The following CNTN4 variants were observed in gnomAD, a reference collection of about 807,000 sequenced individuals.
CNTN4 encodes the protein contactin 4.
Under a neutral mutation model 122.5 loss-of-function variants are expected in CNTN4, and 77 were observed. The ratio of observed to expected loss-of-function variants is 0.63; its 90% CI spans 0.52 to 0.76. CNTN4 has a LOEUF of 0.76. CNTN4 is among the 30% of genes least tolerant of loss of function. The pLI is 0.00. For synonymous variants in CNTN4, 512 were observed against 447.0 expected, an observed-to-expected ratio of 1.15 and a Z score of -1.83; for missense variants, 1,256 against 1,259.1, an observed-to-expected ratio of 1.00 and a Z score of 0.04.
At chr3:2,621,563 G>A (rs2081991236) in intron 4 of CNTN4, among the ~76,000 whole-genome samples, 1 of 151,954 alleles carries the variant, frequency 6.6e-6, no homozygotes, top group African/African-American at 2.4e-5. Flanking sequence ...CGGTTGATGG[G>A]TGCAGCAAAC....
chr3:2,171,915 A>G (rs1002424767), intron 2 of CNTN4, among the ~76,000 whole-genome samples: 1 of 152,298 alleles, frequency 6.6e-6, no homozygotes, highest in South Asian at 2.1e-4. Flanking sequence ...TTGGAACAGG[A>G]GCACCTAGGA....
chr3:2,455,085 C>A (rs1214216486), intron 3 of CNTN4, among the ~76,000 whole-genome samples: 2 of 152,128 alleles, frequency 1.3e-5, no homozygotes, highest in Non-Finnish European at 2.9e-5. Flanking sequence ...AGCAACTAAT[C>A]ATCGCTGGAT....
intron 6 of CNTN4, among the ~76,000 whole-genome samples, chr3:2,815,639 T>G (rs758676533): frequency 5.9e-5 from 9 of 152,126 alleles, no homozygotes; most frequent in Non-Finnish European, 1.3e-4. Context: ...CTGGTGGGAA[T>G]GCAAACTAGT....
At chr3:2,962,341 G>C (rs562081818) in intron 13 of CNTN4, among the ~76,000 whole-genome samples, 1 of 152,196 alleles carries the variant, frequency 6.6e-6, no homozygotes, top group African/African-American at 2.4e-5. Flanking sequence ...AATATTCAAA[G>C]ACAGCAGCTC....
At chr3:2,122,326 G>C (rs186557516) in intron 2 of CNTN4, among the ~76,000 whole-genome samples, 1 of 151,768 alleles carries the variant, frequency 6.6e-6, no homozygotes, top group Admixed American at 6.6e-5. Flanking sequence ...GATCTTTATT[G>C]TTATATGGGC....
intron 4 of CNTN4, among the ~76,000 whole-genome samples, chr3:2,596,971 A>C (rs1281437275): frequency 6.6e-6 from 1 of 151,920 alleles, no homozygotes; most frequent in Admixed American, 6.6e-5. Context: ...TTTTTTTTTA[A>C]ATTTGAGTTT....
intron 3 of CNTN4, among the ~76,000 whole-genome samples, chr3:2,373,395 C>T (rs534142586): frequency 4.6e-5 from 7 of 152,276 alleles, no homozygotes; most frequent in African/African-American, 1.2e-4. Flanking sequence ...CCAGGAATGC[C>T]GTGAATCGAG....
At chr3:2,749,984 A>G (rs1365454802) in intron 6 of CNTN4, among the ~76,000 whole-genome samples, 3 of 152,154 alleles carry the variant, frequency 2.0e-5, no homozygotes, top group East Asian at 1.9e-4. Context: ...CTTTTTGGCC[A>G]CACTTACTGC....
chr3:2,817,757 T>A lies in CNTN4; in HGVS notation c.359-1729T>A, dbSNP rs78751173. Among the ~76,000 whole-genome samples, 982 of 152,328 alleles carry A rather than the reference T, an allele frequency of 6.4e-3. 13 individuals carry two copies. The highest frequency in any genetic ancestry group is 0.021 in the African/African-American group (891 of 41,576). On this transcript the variant is annotated intron_variant, in intron 6 of 24. Transcript: ENST00000418658. ...TGGGATATCTGTGCACAAATGTAGATGACTTACTCTAAGAACCTATATGCA... is the reference window on the plus strand; with the variant it reads ...TGGGATATCTGTGCACAAATGTAGAAGACTTACTCTAAGAACCTATATGCA...
chr3:2,837,197 CA>C (rs1003936964), intron 7 of CNTN4, among the ~76,000 whole-genome samples: 1 of 151,864 alleles, frequency 6.6e-6, no homozygotes, highest in East Asian at 1.9e-4. Context: ...CCTCTTTTTC[CA>C]AAAAAAGCAT....
intron 13 of CNTN4, among the ~76,000 whole-genome samples, chr3:2,951,780 A>G (rs1174723695): frequency 1.3e-5 from 2 of 152,190 alleles, no homozygotes; most frequent in Non-Finnish European, 2.9e-5. Flanking sequence ...CAGGTGTCAA[A>G]AATCATAGTA....
intron 6 of CNTN4, among the ~76,000 whole-genome samples, chr3:2,805,659 G>A (rs1444214851): frequency 6.6e-6 from 1 of 152,142 alleles, no homozygotes; most frequent in African/African-American, 2.4e-5. Flanking sequence ...GACCTGCATT[G>A]AAAACAATGG....
Position 2,498,437 on chromosome 3 carries a change from G to A in CNTN4, c.-88-72979G>A, listed in dbSNP as rs762056593. ...ATCTTCCCTAGCAAGCAATATTTTC[G>A]CTAATTTTTGTTTGTTTGTTTTAGC... On this transcript the variant is annotated intron_variant, in intron 3 of 24. Transcript: ENST00000418658. Among the ~76,000 whole-genome samples the A allele has an allele frequency of 6.6e-5, 10 of 152,110 alleles. No homozygotes were observed. The South Asian group carries it at 8.3e-4, about 13-fold the overall frequency.
At chr3:2,162,102 G>A (rs2149181187) in intron 2 of CNTN4, among the ~76,000 whole-genome samples, 1 of 152,206 alleles carries the variant, frequency 6.6e-6, no homozygotes, top group East Asian at 1.9e-4. Context: ...ACTAAATGTA[G>A]TGTAGGTGTG....
chr3:2,340,737 A>AGAGAGAGAGAGAGAGAGAGT (rs1168402469), intron 3 of CNTN4, among the ~76,000 whole-genome samples: 1 of 133,172 alleles, frequency 7.5e-6, no homozygotes, highest in African/African-American at 2.7e-5. Flanking sequence ...AGAGAGAGAG[A>AGAGAGAGAGAGAGAGAGAGT]GAGTCAGAAA....
At chr3:2,389,126 A>G (rs2046353795) in intron 3 of CNTN4, among the ~76,000 whole-genome samples, 2 of 151,812 alleles carry the variant, frequency 1.3e-5, no homozygotes, top group Admixed American at 1.3e-4. Flanking sequence ...GCACCACTGC[A>G]CTCCAGCCTG....
chr3:2,526,968 T>C (rs188681022), intron 3 of CNTN4, among the ~76,000 whole-genome samples: 54 of 152,292 alleles, frequency 3.5e-4, no homozygotes, highest in Non-Finnish European at 6.3e-4. Context: ...TGACTTTCTT[T>C]ATGAACTCAG....
intron 4 of CNTN4, among the ~76,000 whole-genome samples, chr3:2,692,678 C>T (rs181324105): frequency 3.0e-4 from 46 of 152,104 alleles, no homozygotes; most frequent in African/African-American, 1.1e-3. Context: ...AACACTATTT[C>T]GTTTAATCTT....
intron 2 of CNTN4, among the ~76,000 whole-genome samples, chr3:2,292,978 C>G (rs1362901693): frequency 1.3e-5 from 2 of 152,232 alleles, no homozygotes; most frequent in Non-Finnish European, 2.9e-5. Context: ...CCAAGCTCTT[C>G]TTCAAAGTGA....
Sources: gnomAD v4.1 joint callset for allele counts (sites outside exome capture counted in the v4.1 genomes callset) on GRCh38, gnomAD v4.1.1 for gene constraint, MANE v1.5 for transcripts, NCBI Gene and HGNC (gene_info 2026-07-23, HGNC 2026-07-21) for gene names.